RNF212B: variants seen among roughly 807,000 people sequenced by gnomAD.
The protein encoded by RNF212B is ring finger protein 212B, also known as E3 ubiquitin-protein ligase RNF212B.
A neutral mutation model predicts 55.5 loss-of-function variants in RNF212B; 52 were observed. The ratio of observed to expected loss-of-function variants is 0.94; its 90% CI spans 0.75 to 1.18. The LOEUF is 1.18. RNF212B is among the 50% of genes most tolerant of loss of function. The probability of loss-of-function intolerance (pLI) is 0.00; values close to 1 mark genes in which losing one functional copy is unlikely to be tolerated. For synonymous variants in RNF212B, 99 were observed against 121.4 expected (o/e 0.82, Z 1.21); for missense variants, 289 against 350.4 (o/e 0.82, Z 1.40).
rs1269902346 is a variant in RNF212B at position 23,266,418 on chromosome 14, T to TTG, written c.634+1748_634+1749insGT. ...TCCTTTTAAATGTTTTTTTTTTTTT[T>TTG]TTTTTTTTTTGAGATGGTGTTTCTT... On this transcript the variant is annotated intron_variant, in intron 11 of 14. Coordinates refer to ENST00000430154, the MANE Select transcript of RNF212B (RefSeq NM_001282322.3). 8.5e-4 allele frequency among the ~76,000 whole-genome samples: 122 copies of TTG among 143,548 alleles called. No homozygotes were observed. The East Asian group carries it at 0.023, about 27-fold the overall frequency. The allele number at this position is 143,548 out of a possible 152,430, so 94.2% of individuals were successfully genotyped here. A position where few individuals can be genotyped will look rare whatever the true frequency, so the allele number is the denominator to read the frequency against.
intron 2 of RNF212B, among the ~76,000 whole-genome samples, chr14:23,228,363 A>G (rs982624934): frequency 3.4e-5 from 5 of 148,850 alleles, no homozygotes; most frequent in African/African-American, 1.2e-4. Flanking sequence ...AGTGGATCAC[A>G]GCTGTAATCC....
chr14:23,207,953 A>G (rs1385739901), intron 2 of RNF212B, among the ~76,000 whole-genome samples: 1 of 152,250 alleles, frequency 6.6e-6, no homozygotes, highest in African/African-American at 2.4e-5. Flanking sequence ...GGTCACAGAT[A>G]AATGAGACAT....
intron 2 of RNF212B, among the ~76,000 whole-genome samples, chr14:23,197,986 C>T (rs1349881487): frequency 6.6e-6 from 1 of 151,996 alleles, no homozygotes; most frequent in Admixed American, 6.6e-5. Flanking sequence ...GGGGAGATTA[C>T]AAAGTACATT....
chr14:23,255,706 A>T (rs972912115), intron 4 of RNF212B, among the ~76,000 whole-genome samples: 29 of 152,178 alleles, frequency 1.9e-4, no homozygotes, highest in Admixed American at 1.7e-3. Flanking sequence ...TTCTAAAAAA[A>T]TTTTTTTAAT....
At chr14:23,216,126 G>A (rs1206274780) in intron 2 of RNF212B, among the ~76,000 whole-genome samples, 1 of 152,052 alleles carries the variant, frequency 6.6e-6, no homozygotes, top group Non-Finnish European at 1.5e-5. Flanking sequence ...GGTGCCTGTA[G>A]TCCCAGCTAC....
At chr14:23,233,404 T>TA (rs34772395), upstream of RNF212B, among the ~76,000 whole-genome samples, 34,850 of 137,114 alleles carry the variant, frequency 0.25, 4,238 homozygotes, top group African/African-American at 0.3. Flanking sequence ...AATGATCAAT[T>TA]AAAAAAAAAA....
intron 2 of RNF212B, among the ~76,000 whole-genome samples, chr14:23,209,006 CCT>C (rs1880202923): frequency 6.6e-6 from 1 of 152,118 alleles, no homozygotes; most frequent in African/African-American, 2.4e-5. Flanking sequence ...GATCCGCCCG[CCT>C]TGGCCTCCCA....
chr14:23,226,304 A>G (rs2140412889), intron 2 of RNF212B, among the ~76,000 whole-genome samples: 1 of 146,452 alleles, frequency 6.8e-6, no homozygotes, highest in Admixed American at 6.8e-5. Context: ...CTCAAAAAAA[A>G]AAAAAAAAAA....
At chr14:23,229,226 A>ATATG (rs1882322919) in intron 2 of RNF212B, among the ~76,000 whole-genome samples, 1 of 47,632 alleles carries the variant, frequency 2.1e-5, no homozygotes, top group Non-Finnish European at 5.0e-5. Context: ...TATTTTATAT[A>ATATG]TATATATATA....
At chr14:23,223,198 C>T (rs1471975514) in intron 2 of RNF212B, among the ~76,000 whole-genome samples, 1 of 152,178 alleles carries the variant, frequency 6.6e-6, no homozygotes, top group Admixed American at 6.5e-5. Flanking sequence ...ATGATCATTT[C>T]AATTGATGCT....
chr14:23,235,748 G>C (rs1883049417), upstream of RNF212B, among the ~76,000 whole-genome samples: 1 of 152,204 alleles, frequency 6.6e-6, no homozygotes, highest in South Asian at 2.1e-4. Context: ...AAAATGCACT[G>C]ATGTGTATAA....
intron 2 of RNF212B, among the ~76,000 whole-genome samples, chr14:23,197,035 C>T (rs1206192509): frequency 6.6e-6 from 1 of 152,150 alleles, no homozygotes; most frequent in Non-Finnish European, 1.5e-5. Context: ...GGGCCCAGTA[C>T]AGTGCCTAGG....
chr14:23,227,159 A>ACTCATTTCT (rs1490064077), intron 2 of RNF212B, among the ~76,000 whole-genome samples: 1 of 152,002 alleles, frequency 6.6e-6, no homozygotes, highest in Non-Finnish European at 1.5e-5. Flanking sequence ...GGGTATATGG[A>ACTCATTTCT]ACCTTTCTAC....
chr14:23,233,404 TAA>T (rs34772395), upstream of RNF212B, among the ~76,000 whole-genome samples: 2 of 137,246 alleles, frequency 1.5e-5, no homozygotes, highest in African/African-American at 2.7e-5. Flanking sequence ...AATGATCAAT[TAA>T]AAAAAAAAAA....
intron 4 of RNF212B, 60 bp from the exon 5 acceptor site, chr14:23,258,489 C>T (rs1885025358): frequency 1.3e-6 from 1 of 755,402 alleles, no homozygotes; most frequent in Non-Finnish European, 2.1e-6. Flanking sequence ...CCTTTCTTGC[C>T]AGAAGTGAAG....
At chr14:23,226,234 G>T (rs1273307964) in intron 2 of RNF212B, among the ~76,000 whole-genome samples, 4 of 145,828 alleles carry the variant, frequency 2.7e-5, no homozygotes, top group Non-Finnish European at 6.0e-5. Context: ...GGAGGCGGAG[G>T]TTGCAGTGAG....
intron 14 of RNF212B, among the ~76,000 whole-genome samples, chr14:23,271,808 TA>T (rs990505027): frequency 2.0e-5 from 3 of 152,034 alleles, no homozygotes; most frequent in Non-Finnish European, 4.4e-5. Context: ...AAACAAGCTG[TA>T]AAAAAAATAA....
intron 5 of RNF212B, among the ~76,000 whole-genome samples, chr14:23,259,121 G>C (rs79472264): frequency 0.014 from 2,090 of 152,026 alleles, 53 homozygotes; most frequent in African/African-American, 0.047. Context: ...GAGCCCAGGA[G>C]TCTGAGTTAC....
chr14:23,269,733 T>G lies in RNF212B; in HGVS notation c.675-130T>G, dbSNP rs993161203. 8 of 599,910 alleles carry G rather than the reference T, an allele frequency of 1.3e-5. No homozygotes were observed. The African/African-American group carries it at 1.5e-4, about 11-fold the overall frequency. 37.2% of individuals were successfully genotyped at this position (599,910 alleles called of 1,614,324 possible). Reference sequence around the variant, plus strand: ...TCTCAAAAAAAAAAAAAGAAAAAATTATCATCAGTTGCAAGCAGGGAATTT... The same window carrying G: ...TCTCAAAAAAAAAAAAAGAAAAAATGATCATCAGTTGCAAGCAGGGAATTT... On this transcript the variant is annotated intron_variant, in intron 12 of 14. Coordinates refer to ENST00000430154, the MANE Select transcript of RNF212B (RefSeq NM_001282322.3).
Sources: gnomAD v4.1 joint callset for allele counts (sites outside exome capture counted in the v4.1 genomes callset) on GRCh38, gnomAD v4.1.1 for gene constraint, MANE v1.5 for transcripts, NCBI Gene and HGNC (gene_info 2026-07-23, HGNC 2026-07-21) for gene names.